The following SPTB variants were observed in gnomAD, a reference collection of about 807,000 sequenced individuals.
SPTB encodes the protein spectrin beta, erythrocytic, also known as spectrin beta chain, erythrocytic.
SPTB carries 45 observed loss-of-function variants against 256.2 expected under a neutral mutation model. That is an observed-to-expected ratio of 0.18 (90% CI 0.14 to 0.23). The LOEUF is 0.23. Ranked by LOEUF, SPTB falls within the 10% of genes least tolerant of loss-of-function variation. The probability of loss-of-function intolerance (pLI) is 1.00; values close to 1 mark genes in which losing one functional copy is unlikely to be tolerated. For synonymous variants in SPTB, 1,231 were observed against 1,243.1 expected (o/e 0.99, Z 0.21); for missense variants, 2,715 against 3,040.4 (o/e 0.89, Z 2.52).
rs376299216 is a variant in SPTB at position 64,760,430 on chromosome 14, G to A, written c.6345+6296C>T. ...CCCAGGAGAAACACAACCTGGCTCCGGACCACAGGGTGTTTCAGAGGTTCT... is the reference window on the plus strand; with the variant it reads ...CCCAGGAGAAACACAACCTGGCTCCAGACCACAGGGTGTTTCAGAGGTTCT... On this transcript the variant is annotated intron_variant, in intron 32 of 35. Transcript: ENST00000644917. The surrounding 1 kb of genome is among the most constrained non-coding windows in gnomAD (Gnocchi z 4.3). Among the ~76,000 whole-genome samples the A allele has an allele frequency of 1.1e-4, 16 of 152,082 alleles. No homozygotes were observed. Among genetic ancestry groups the A allele is most frequent in the Non-Finnish European group, 2.1e-4 (14 of 68,022 alleles).
chr14:64,786,811 C>T lies in SPTB; in HGVS notation c.3154G>A (p.Gly1052Ser), dbSNP rs768317667. ...LWQGLQQSLQ[G>S]QEDLLGEVSQ... ...ACTTCCCCCAGCAAGTCCTCCTGGC[C>T]CTGCAGGGATTGCTGCAGGCCCTGC... The change falls in exon 16 of 36, where the codon GGC (glycine) becomes AGC (serine). Residue 1052 changes from glycine (G) to serine (S), a missense_variant. Gly to Ser is a moderately conservative substitution (Grantham distance 56). Transcript: ENST00000644917. This position sits in a 1 kb window ranked among gnomAD's most constrained non-coding sequence, Gnocchi z 5.6. The T allele has an allele frequency of 2.0e-5, 33 of 1,613,910 alleles. No individual in the cohort carries two copies. The Admixed American group carries it at 5.5e-4, about 27-fold the overall frequency.
At chr14:64,753,818 C>T (rs1309003903) in intron 32 of SPTB, 25 bp from the exon 33 acceptor site, 1 of 1,610,302 alleles carries the variant, frequency 6.2e-7, no homozygotes, top group Non-Finnish European at 8.5e-7. Context: ...GGGAGGAGCA[C>T]ACCTTTCTGG....
At position 64,869,621 on chromosome 14, in the gene SPTB, A is replaced by ATTT. The variant is rs11302191; in HGVS notation, c.-52+10168_-52+10170dup. On this transcript the variant is annotated intron_variant, in intron 1 of 35. Transcript: ENST00000644917. ...CACTGTGCTTGGTCAGATTTTTTAA[A>ATTT]TTTTTTTTTTTTTTTTTTGAGACAG... Among the ~76,000 whole-genome samples, 31 of 139,528 alleles carry ATTT rather than the reference A, an allele frequency of 2.2e-4. 1 individual carries two copies. The highest frequency in any genetic ancestry group is 6.9e-4 in the South Asian group (3 of 4,348). 91.5% of individuals were successfully genotyped at this position (139,528 alleles called of 152,430 possible). A position where few individuals can be genotyped will look rare whatever the true frequency, so the allele number is the denominator to read the frequency against.
chr14:64,833,564 A>G (rs1401249643), intron 1 of SPTB, among the ~76,000 whole-genome samples: 1 of 150,086 alleles, frequency 6.7e-6, no homozygotes, highest in African/African-American at 2.5e-5. Flanking sequence ...AAAAAAAAAA[A>G]GAAAAGAAAC....
At chr14:64,822,032 A>G (rs2083295813) in intron 2 of SPTB, among the ~76,000 whole-genome samples, 1 of 151,944 alleles carries the variant, frequency 6.6e-6, no homozygotes, top group African/African-American at 2.4e-5. Context: ...GAAAGTGTTT[A>G]TGGGGAAGGT....
chr14:64,761,984 G>C (rs2082102727), intron 32 of SPTB, among the ~76,000 whole-genome samples: 2 of 152,142 alleles, frequency 1.3e-5, no homozygotes, highest in African/African-American at 4.8e-5. Flanking sequence ...GAAGAACTTA[G>C]GAAGAGTCGT....
chr14:64,819,836 A>G (rs958013104), intron 2 of SPTB, among the ~76,000 whole-genome samples: 4 of 152,246 alleles, frequency 2.6e-5, no homozygotes, highest in African/African-American at 9.6e-5. Flanking sequence ...TTTTCTTAGT[A>G]CTAACATTAT....
At chr14:64,797,688 A>G in intron 10 of SPTB, 41 bp downstream of exon 10, 2 of 1,445,818 alleles carry the variant, frequency 1.4e-6, no homozygotes, top group Non-Finnish European at 9.7e-7. Flanking sequence ...CGGGAATTCA[A>G]TCAATCTACT....
intron 2 of SPTB, among the ~76,000 whole-genome samples, chr14:64,811,112 G>GA (rs949572182): frequency 5.4e-5 from 8 of 147,918 alleles, no homozygotes; most frequent in Admixed American, 1.3e-4. Flanking sequence ...GACCCACCTC[G>GA]AAAAAAAAAA....
Position 64,786,968 on chromosome 14 carries a change from C to T in SPTB, c.2997G>A (p.Gly999=), listed in dbSNP as rs770553073. 4 of 1,614,082 alleles carry T rather than the reference C, an allele frequency of 2.5e-6. No individual in the cohort carries two copies. The East Asian group carries it at 6.7e-5, about 27-fold the overall frequency. The change falls in exon 16 of 36, where the codon GGG becomes GGA. Residue 999 remains glycine (G), a synonymous_variant. Coordinates refer to ENST00000644917, the MANE Select transcript of SPTB (RefSeq NM_001355436.2). The surrounding 1 kb of genome is among the most constrained non-coding windows in gnomAD (Gnocchi z 5.6). ...GIIAIQRKLS[G]LERDVAAIQA... is the part of the protein sequence containing the mutation. Reference sequence around the variant, plus strand: ...GGATGGCGGCCACGTCACGCTCCAGCCCTGACAACTTCCTCTGGATGGCGA... The same window carrying T: ...GGATGGCGGCCACGTCACGCTCCAGTCCTGACAACTTCCTCTGGATGGCGA...
intron 1 of SPTB, among the ~76,000 whole-genome samples, chr14:64,864,240 T>C (rs563607061): frequency 6.6e-6 from 1 of 152,152 alleles, no homozygotes; most frequent in East Asian, 1.9e-4. Context: ...GAGGATCACT[T>C]GAGCCCAGGA....
rs1490775789 is a variant in SPTB, at chr14:64,792,211, G to T, written c.2667-355C>A. 6.6e-6 allele frequency among the ~76,000 whole-genome samples: 1 copy of T among 152,224 alleles called. No homozygotes were observed. The highest frequency in any genetic ancestry group is 1.5e-5 in the Non-Finnish European group (1 of 68,050). On this transcript the variant is annotated intron_variant, in intron 14 of 35. Coordinates refer to ENST00000644917, the MANE Select transcript of SPTB (RefSeq NM_001355436.2). This position sits in a 1 kb window ranked among gnomAD's most constrained non-coding sequence, Gnocchi z 4.2. ...CACAAGGGCCACCTTCCAGGCCTCT[G>T]CTTTTCCGGCTGTTGCTTTTGGACT...
In SPTB at chr14:64,790,198, A is replaced by T. The variant is rs1467819173; in HGVS notation, c.2804+1521T>A. Among the ~76,000 whole-genome samples, 10 of 152,118 alleles carry T rather than the reference A, an allele frequency of 6.6e-5. No individual in the cohort carries two copies. The highest frequency in any genetic ancestry group is 6.5e-4 in the Admixed American group (10 of 15,282). On this transcript the variant is annotated intron_variant, in intron 15 of 35. Coordinates refer to ENST00000644917, the MANE Select transcript of SPTB (RefSeq NM_001355436.2). The surrounding 1 kb of genome is among the most constrained non-coding windows in gnomAD (Gnocchi z 4.8). The stretch of plus-strand genomic sequence containing the variant: ...CTTCTCAGGTTCCTTTCAACTCTCA[A>T]ATTTAATTTCATGCCTCGGGTTTTT...
rs758943221 is a variant in SPTB at position 64,779,099 on chromosome 14, G to A, written c.4563+58C>T. On this transcript the variant is annotated intron_variant, in intron 22 of 35. Coordinates refer to ENST00000644917, the MANE Select transcript of SPTB (RefSeq NM_001355436.2). The surrounding 1 kb of genome is among the most constrained non-coding windows in gnomAD (Gnocchi z 4.2). ...AGGTCAGGGCTGGGCCTACCCCCGT[G>A]GGGCCAGGTGGGGGTGAGGAGGGGT... 2.2e-5 allele frequency: 32 copies of A among 1,433,448 alleles called. No homozygotes were observed. The highest frequency in any genetic ancestry group is 4.5e-4 in the Middle Eastern group (2 of 4,416). 88.8% of individuals were successfully genotyped at this position (1,433,448 alleles called of 1,614,324 possible).
Position 64,841,605 on chromosome 14 carries a change from A to C in SPTB, c.-51-18460T>G, listed in dbSNP as rs1238862383. On this transcript the variant is annotated intron_variant, in intron 1 of 35. Coordinates refer to ENST00000644917, the MANE Select transcript of SPTB (RefSeq NM_001355436.2). This position sits in a 1 kb window ranked among gnomAD's most constrained non-coding sequence, Gnocchi z 4.6. ...ATCCACATTTCTTGTGAGGATTGCC[A>C]AGCACTTTTTCCCCCAAATCGACAC... Among the ~76,000 whole-genome samples, 1 of 152,080 alleles carries C rather than the reference A, an allele frequency of 6.6e-6. No homozygotes were observed. The highest frequency in any genetic ancestry group is 1.9e-4 in the East Asian group (1 of 5,190).
chr14:64,801,458 C>A, intron 6 of SPTB, 58 bp from the exon 7 acceptor site: 1 of 1,268,912 alleles, frequency 7.9e-7, no homozygotes, highest in East Asian at 2.3e-5. Flanking sequence ...ACCAGGAGGG[C>A]AGCCCTAGCA....
intron 9 of SPTB, 147 bp from the exon 10 acceptor site, chr14:64,797,993 G>T (rs1317846498): frequency 1.4e-6 from 1 of 737,108 alleles, no homozygotes; most frequent in Non-Finnish European, 2.5e-6. Context: ...AAGAGAATCT[G>T]TAGGTCTGCT....
chr14:64,811,104 C>T lies in SPTB; in HGVS notation c.149-6014G>A, dbSNP rs1214599547. On this transcript the variant is annotated intron_variant, in intron 2 of 35. Transcript: ENST00000644917. The stretch of plus-strand genomic sequence containing the variant: ...CTCCAGCCTGGGTGAAAGATTGAGA[C>T]CCACCTCGAAAAAAAAAAGTTTATA... Among the ~76,000 whole-genome samples, 7 of 151,930 alleles carry T rather than the reference C, an allele frequency of 4.6e-5. No homozygotes were observed. In the East Asian group the frequency reaches 1.4e-3, roughly 29 times the overall value.
rs768035460 is a variant in SPTB at position 64,772,886 on chromosome 14, A to G, written c.5247T>C (p.Asn1749=). The stretch of plus-strand genomic sequence containing the variant: ...TGAGTCGCTCGATGAAGGCATTCAC[A>G]TTGTCCACCCGCTCCTGCCCAATCG... ...TGAIGQERVD[N]VNAFIERLID... is the part of the protein sequence containing the mutation. Residue 1749 remains asparagine, a synonymous_variant, in exon 26 of 36, where the codon AAT becomes AAC. Transcript: ENST00000644917. The surrounding 1 kb of genome is among the most constrained non-coding windows in gnomAD (Gnocchi z 5.4). 5 of 1,608,496 alleles carry G rather than the reference A, an allele frequency of 3.1e-6. No individual in the cohort carries two copies. The East Asian group carries it at 1.1e-4, about 36-fold the overall frequency.
Sources: gnomAD v4.1 joint callset for allele counts (sites outside exome capture counted in the v4.1 genomes callset) on GRCh38, gnomAD v4.1.1 for gene constraint, Gnocchi (gnomAD v3.1) non-coding constraint, MANE v1.5 for transcripts, NCBI Gene and HGNC (gene_info 2026-07-23, HGNC 2026-07-21) for gene names.